The following SRRM3 variants were observed in gnomAD, a reference collection of about 807,000 sequenced individuals.
The protein encoded by SRRM3 is serine/arginine repetitive matrix protein 3.
Under a neutral mutation model 66.2 loss-of-function variants are expected in SRRM3, and 27 were observed. The ratio of observed to expected loss-of-function variants is 0.41; its 90% CI spans 0.30 to 0.56. The LOEUF (loss-of-function observed/expected upper bound fraction) is 0.56. Ranked by LOEUF, SRRM3 falls within the 20% of genes least tolerant of loss-of-function variation. The probability of loss-of-function intolerance (pLI) is 0.32; values close to 1 mark genes in which losing one functional copy is unlikely to be tolerated. For synonymous variants in SRRM3, 391 were observed against 414.9 expected, an observed-to-expected ratio of 0.94 and a Z score of 0.70; for missense variants, 918 against 991.9, an observed-to-expected ratio of 0.93 and a Z score of 1.00.
chr7:76,276,712 G>A (rs1344055058), intron 11 of SRRM3, among the ~76,000 whole-genome samples: 1 of 152,146 alleles, frequency 6.6e-6, no homozygotes. Flanking sequence ...CAGCCAAGCT[G>A]AGGACGAGGC....
chr7:76,238,268 C>G (rs1212576488), intron 2 of SRRM3, among the ~76,000 whole-genome samples: 2 of 152,198 alleles, frequency 1.3e-5, no homozygotes, highest in East Asian at 3.8e-4. Flanking sequence ...CTGCCCAGCC[C>G]CCAGCCAGTC....
intron 11 of SRRM3, among the ~76,000 whole-genome samples, chr7:76,272,282 C>T (rs1202884685): frequency 6.6e-6 from 1 of 152,156 alleles, no homozygotes; most frequent in African/African-American, 2.4e-5. Flanking sequence ...GGGGATGGGG[C>T]AGGCACAGTG....
chr7:76,284,261 A>G (rs1479589582), intron 14 of SRRM3, among the ~76,000 whole-genome samples: 1 of 142,644 alleles, frequency 7.0e-6, no homozygotes, highest in Non-Finnish European at 1.5e-5. Flanking sequence ...TGCAACCTCC[A>G]CCTCCCAGGT....
intron 11 of SRRM3, among the ~76,000 whole-genome samples, chr7:76,271,893 AG>A (rs1227873926): frequency 1.3e-5 from 2 of 152,250 alleles, no homozygotes; most frequent in Non-Finnish European, 2.9e-5. Context: ...ACCTGGGTGC[AG>A]GTGGCCCCCA....
chr7:76,250,278 C>CTGGAA (rs1310616828), intron 3 of SRRM3, among the ~76,000 whole-genome samples: 1 of 152,060 alleles, frequency 6.6e-6, no homozygotes, highest in Admixed American at 6.6e-5. Context: ...ATCACTCAGG[C>CTGGAA]TGGAGTGCAG....
In SRRM3 at chr7:76,282,842, G is replaced by A; in HGVS notation, c.1565G>A (p.Arg522His). 6.9e-7 allele frequency: 1 copy of A among 1,454,110 alleles called. No homozygotes were observed. Among genetic ancestry groups the A allele is most frequent in the Non-Finnish European group, 9.0e-7 (1 of 1,107,934 alleles). 90.1% of individuals were successfully genotyped at this position (1,454,110 alleles called of 1,614,324 possible). Residue 522 changes from arginine (R) to histidine (H), a missense_variant, in exon 13 of 15, where the codon CGC becomes CAC. Arg to His is a conservative substitution (Grantham distance 29). Transcript: ENST00000611745. ...SAEKRPHSPS[R>H]SPSPKKPLSR... ...GAGAAGCGGCCCCACAGCCCCAGCC[G>A]CTCGCCGTCGCCCAAGAAGCCCCTC...
chr7:76,230,752 CT>C (rs782632581), intron 1 of SRRM3, among the ~76,000 whole-genome samples: 996 of 83,546 alleles, frequency 0.012, 8 homozygotes, highest in African/African-American at 0.04. Context: ...CTTTTACTTA[CT>C]TTTTTTTTTT....
intron 11 of SRRM3, among the ~76,000 whole-genome samples, chr7:76,270,622 GCTAACATGGCGAACCCCCGT>G (rs1481839542): frequency 6.6e-6 from 1 of 151,908 alleles, no homozygotes; most frequent in Non-Finnish European, 1.5e-5. Context: ...GACCAGCCTG[GCTAACATGGCGAACCCCCGT>G]CTCTACTAAA....
At chr7:76,203,657 G>A (rs773759998) in intron 1 of SRRM3, among the ~76,000 whole-genome samples, 22 of 152,190 alleles carry the variant, frequency 1.4e-4, no homozygotes, top group African/African-American at 4.1e-4. Context: ...ACAATGCAAC[G>A]GTTGACTCAG....
chr7:76,235,959 TC>T (rs1801137346), intron 2 of SRRM3, among the ~76,000 whole-genome samples: 1 of 124,954 alleles, frequency 8.0e-6, no homozygotes, highest in Non-Finnish European at 1.6e-5. Context: ...TGAGCCGAGA[TC>T]CGGCCACTGC....
intron 1 of SRRM3, among the ~76,000 whole-genome samples, chr7:76,213,459 G>A (rs1424599467): frequency 6.6e-6 from 1 of 152,158 alleles, no homozygotes; most frequent in Non-Finnish European, 1.5e-5. Flanking sequence ...GCACGGAGAG[G>A]TAAATAACAT....
chr7:76,217,409 C>T (rs370210076), intron 1 of SRRM3, among the ~76,000 whole-genome samples: 5 of 152,122 alleles, frequency 3.3e-5, no homozygotes, highest in South Asian at 2.1e-4. Flanking sequence ...CTCAACTTCC[C>T]GAGTAGCTGG....
At position 76,276,724 on chromosome 7, in the gene SRRM3, C is replaced by T. The variant is rs572028962; in HGVS notation, c.1009-4717C>T. On this transcript the variant is annotated intron_variant, in intron 11 of 14. Coordinates refer to ENST00000611745, the MANE Select transcript of SRRM3 (RefSeq NM_001110199.3). ...ACCCAGCCAAGCTGAGGACGAGGCT[C>T]AGACTCTGGCAGGCGCATGGTGACC... 1.0e-3 allele frequency among the ~76,000 whole-genome samples: 157 copies of T among 152,258 alleles called. 1 individual carries two copies. Among genetic ancestry groups the T allele is most frequent in the Middle Eastern group, 3.4e-3 (1 of 294 alleles).
intron 1 of SRRM3, among the ~76,000 whole-genome samples, chr7:76,205,145 T>C (rs1307748572): frequency 4.6e-5 from 7 of 152,152 alleles, no homozygotes; most frequent in African/African-American, 1.7e-4. Flanking sequence ...CAGCCTAGAC[T>C]CATTTCCACA....
intron 11 of SRRM3, chr7:76,272,911 G>A (rs1196265351): frequency 6.6e-6 from 1 of 152,238 alleles, no homozygotes; most frequent in Non-Finnish European, 1.5e-5. Flanking sequence ...GGATGCCAAA[G>A]CCAGAGGGAA....
At chr7:76,209,627 T>A (rs1200985909) in intron 1 of SRRM3, among the ~76,000 whole-genome samples, 5 of 146,862 alleles carry the variant, frequency 3.4e-5, no homozygotes, top group African/African-American at 7.6e-5. Context: ...TTTTTTTTGA[T>A]ACAGGGTCTC....
At chr7:76,204,929 G>A (rs552105407) in intron 1 of SRRM3, among the ~76,000 whole-genome samples, 1 of 152,140 alleles carries the variant, frequency 6.6e-6, no homozygotes, top group Non-Finnish European at 1.5e-5. Flanking sequence ...TAAAAAGAAA[G>A]CTATTCTCCT....
intron 2 of SRRM3, among the ~76,000 whole-genome samples, chr7:76,240,179 C>CAATAAT (rs781843298): frequency 6.7e-6 from 1 of 148,794 alleles, no homozygotes; most frequent in South Asian, 2.1e-4. Flanking sequence ...ATAATAATAA[C>CAATAAT]AATAATAATA....
chr7:76,260,052 C>CG lies in SRRM3; in HGVS notation c.464+23dup. On this transcript the variant is annotated intron_variant, in intron 4 of 14. Coordinates refer to ENST00000611745, the MANE Select transcript of SRRM3 (RefSeq NM_001110199.3). ...GGGTACAGGTCAGCGGCCGCCGCGG[C>CG]GGGGGTGGGGGGCGCGCGGGGCTGC... The CG allele has an allele frequency of 1.3e-6, 2 of 1,501,526 alleles. No individual in the cohort carries two copies. Among genetic ancestry groups the CG allele is most frequent in the Non-Finnish European group, 1.8e-6 (2 of 1,132,482 alleles). The allele number at this position is 1,501,526 out of a possible 1,614,324, so 93.0% of individuals were successfully genotyped here.
Sources: allele counts gnomAD v4.1 joint callset (sites outside exome capture counted in the v4.1 genomes callset), GRCh38; gene constraint gnomAD v4.1.1; transcripts MANE v1.5; gene names NCBI Gene and HGNC (gene_info 2026-07-23, HGNC 2026-07-21).